The following AVL9 variants were observed in gnomAD, a reference collection of about 807,000 sequenced individuals.
AVL9 encodes the protein AVL9 cell migration associated, also known as late secretory pathway protein AVL9 homolog.
AVL9 carries 49 observed loss-of-function variants against 79.2 expected under a neutral mutation model. The observed-to-expected ratio is 0.62, with a 90% confidence interval of 0.49 to 0.79. AVL9 has a LOEUF of 0.79. Ranked by LOEUF, AVL9 falls within the 30% of genes least tolerant of loss-of-function variation. AVL9 has a pLI of 0.00. For missense variants in AVL9, 682 were observed against 776.8 expected, an observed-to-expected ratio of 0.88 and a Z score of 1.45; for synonymous variants, 299 against 280.6, an observed-to-expected ratio of 1.07 and a Z score of -0.65.
chr7:32,542,861 T>C (rs1323933467), intron 1 of AVL9, among the ~76,000 whole-genome samples: 3 of 152,160 alleles, frequency 2.0e-5, no homozygotes, highest in East Asian at 3.9e-4. Context: ...CCCCCAGATA[T>C]CAATCTGCAG....
rs1562749449 is a variant in AVL9 at position 32,503,351 on chromosome 7, GATAT to G, written c.93+7551_93+7554del. On this transcript the variant is annotated intron_variant, in intron 1 of 15. Coordinates refer to ENST00000318709, the MANE Select transcript of AVL9 (RefSeq NM_015060.3). ...ATATATATCTATATATATAGATATA[GATAT>G]AGAGAGATATATATATATACACACA... Among the ~76,000 whole-genome samples the G allele has an allele frequency of 5.9e-3, 169 of 28,814 alleles. 4 individuals are homozygous for G. Among genetic ancestry groups the G allele is most frequent in the Middle Eastern group, 0.023 (1 of 44 alleles). The allele number at this position is 28,814 out of a possible 152,430, so 18.9% of individuals were successfully genotyped here.
intron 1 of AVL9, among the ~76,000 whole-genome samples, chr7:32,511,601 G>A (rs951207034): frequency 5.3e-5 from 8 of 152,060 alleles, no homozygotes; most frequent in Admixed American, 5.2e-4. Flanking sequence ...GGTGCCTGAC[G>A]AGCAGGGCGG....
intron 1 of AVL9, among the ~76,000 whole-genome samples, chr7:32,514,109 C>A (rs1433359114): frequency 6.6e-6 from 1 of 152,182 alleles, no homozygotes. Flanking sequence ...GAAACAAATG[C>A]CTTCCTCTTA....
At chr7:32,516,949 G>C (rs1420950411) in intron 1 of AVL9, among the ~76,000 whole-genome samples, 1 of 152,088 alleles carries the variant, frequency 6.6e-6, no homozygotes, top group African/African-American at 2.4e-5. Flanking sequence ...AGGTCAACCT[G>C]CAACTATAAG....
chr7:32,505,435 A>C (rs1335286790), intron 1 of AVL9, among the ~76,000 whole-genome samples: 1 of 151,760 alleles, frequency 6.6e-6, no homozygotes. Context: ...AGGCACAAGA[A>C]TCACTTGAAA....
chr7:32,540,280 G>C (rs1207264007), intron 1 of AVL9, among the ~76,000 whole-genome samples: 1 of 152,148 alleles, frequency 6.6e-6, no homozygotes, highest in Non-Finnish European at 1.5e-5. Flanking sequence ...GTATCTATGG[G>C]ATAAATTTCT....
intron 12 of AVL9, among the ~76,000 whole-genome samples, chr7:32,574,243 A>ACACCAC (rs11281768): frequency 0.84 from 126,534 of 151,226 alleles, 52,985 homozygotes; most frequent in Middle Eastern, 0.88. Context: ...TTTTTAATCA[A>ACACCAC]CACCACCACC....
chr7:32,579,428 A>ATATATAT lies in AVL9; in HGVS notation c.1689-790_1689-784dup, dbSNP rs1562801559. ...TTATATATAATATGTTATATATATAATATATATATTATATATAATATATTA... is the reference window on the plus strand; with the variant it reads ...TTATATATAATATGTTATATATATAATATATATTATATATATTATATATAATATATTA... On this transcript the variant is annotated intron_variant, in intron 13 of 15. Coordinates refer to ENST00000318709, the MANE Select transcript of AVL9 (RefSeq NM_015060.3). Among the ~76,000 whole-genome samples the ATATATAT allele has an allele frequency of 3.7e-3, 12 of 3,286 alleles. 5 individuals carry two copies. The highest frequency in any genetic ancestry group is 0.019 in the East Asian group (2 of 104). The allele number at this position is 3,286 out of a possible 152,430, so 2.2% of individuals were successfully genotyped here.
chr7:32,573,263 C>T lies in AVL9; in HGVS notation c.1415C>T (p.Ala472Val). The change falls in exon 12 of 16, where the codon GCA becomes GTA. Residue 472 changes from alanine (A) to valine (V), a missense_variant. By Grantham distance (64) the Ala-to-Val change is moderately conservative. Transcript: ENST00000318709. Reference protein sequence around the residue: ...ELRKLLNPTTADLRFADYLVR... With the variant: ...ELRKLLNPTTVDLRFADYLVR... ...AGGAAGCTGCTTAACCCAACCACTGCAGACCTAAGGTTCGCAGACTACCTA... is the reference window on the plus strand; with the variant it reads ...AGGAAGCTGCTTAACCCAACCACTGTAGACCTAAGGTTCGCAGACTACCTA... The T allele has an allele frequency of 6.2e-7, 1 of 1,613,992 alleles. No individual in the cohort carries two copies. Among genetic ancestry groups the T allele is most frequent in the East Asian group, 2.2e-5 (1 of 44,872 alleles).
intron 1 of AVL9, among the ~76,000 whole-genome samples, chr7:32,541,963 C>T (rs1263199029): frequency 6.6e-6 from 1 of 152,134 alleles, no homozygotes; most frequent in Non-Finnish European, 1.5e-5. Context: ...GATCCACCCG[C>T]CTCAGCTCCC....
intron 11 of AVL9, among the ~76,000 whole-genome samples, chr7:32,572,217 CAG>C (rs777008764): frequency 8.3e-4 from 125 of 150,490 alleles, no homozygotes; most frequent in Non-Finnish European, 1.4e-3. Flanking sequence ...TAGTTTCTGA[CAG>C]AAAGTATGAA....
rs1186291590 is a variant in AVL9, at chr7:32,584,184, CT to C, written c.*278del. ...TGAACCTTCTAATGAATTTTGAGTT[CT>C]GATATTGTACATTGGTTTACTTTAG... On this transcript the variant is annotated 3_prime_UTR_variant, in exon 16 of 16. Transcript: ENST00000318709. 16 of 434,326 alleles carry C rather than the reference CT, an allele frequency of 3.7e-5. No homozygotes were observed. Among genetic ancestry groups the C allele is most frequent in the Non-Finnish European group, 6.8e-5 (16 of 234,198 alleles). The allele number at this position is 434,326 out of a possible 1,614,324, so 26.9% of individuals were successfully genotyped here. A position where few individuals can be genotyped will look rare whatever the true frequency, so the allele number is the denominator to read the frequency against.
rs1242614195 is a variant in AVL9 at position 32,573,345 on chromosome 7, G to A, written c.1497G>A (p.Glu499=). The change falls in exon 12 of 16, where the codon GAG becomes GAA. Residue 499 remains glutamate (E), a synonymous_variant. Coordinates refer to ENST00000318709, the MANE Select transcript of AVL9 (RefSeq NM_015060.3). ...DDVFLDGTGW[E]GGDEWIRAQF... The stretch of plus-strand genomic sequence containing the variant: ...TCTTCCTAGATGGCACGGGCTGGGA[G>A]GGAGGTGACGAATGGATCCGGGCCC... 6.2e-7 allele frequency: 1 copy of A among 1,613,858 alleles called. No individual in the cohort carries two copies. The highest frequency in any genetic ancestry group is 2.2e-5 in the East Asian group (1 of 44,880).
At chr7:32,515,658 C>G (rs1277521726) in intron 1 of AVL9, among the ~76,000 whole-genome samples, 1 of 152,168 alleles carries the variant, frequency 6.6e-6, no homozygotes, top group Non-Finnish European at 1.5e-5. Flanking sequence ...AGGTAAGTGA[C>G]TGAATTGGGG....
Position 32,588,068 on chromosome 7 carries a change from T to C in AVL9, c.*4161T>C, listed in dbSNP as rs1479425348. ...GTTCTAAAGTTTACCTTTTTACTTA[T>C]ATGAAAGATAACTATATATTTAAAT... On this transcript the variant is annotated 3_prime_UTR_variant, in exon 16 of 16. Coordinates refer to ENST00000318709, the MANE Select transcript of AVL9 (RefSeq NM_015060.3). 1 of 152,238 alleles carries C rather than the reference T, an allele frequency of 6.6e-6. No homozygotes were observed. The highest frequency in any genetic ancestry group is 1.5e-5 in the Non-Finnish European group (1 of 68,034). 9.4% of individuals were successfully genotyped at this position (152,238 alleles called of 1,614,324 possible).
At chr7:32,545,173 A>AAGC in intron 3 of AVL9, among the ~76,000 whole-genome samples, 1 of 149,900 alleles carries the variant, frequency 6.7e-6, no homozygotes, top group Non-Finnish European at 1.5e-5. Flanking sequence ...GGGCCTTGCT[A>AAGC]TTTTGCCCAG....
intron 1 of AVL9, among the ~76,000 whole-genome samples, chr7:32,520,019 C>T (rs998955019): frequency 8.5e-5 from 13 of 152,184 alleles, no homozygotes; most frequent in Admixed American, 7.9e-4. Context: ...GGGAAAACCA[C>T]CCCCACGATC....
chr7:32,545,364 C>CTTTTTTTTTTTTTTTTTT (rs10610945), intron 3 of AVL9, among the ~76,000 whole-genome samples: 7 of 73,350 alleles, frequency 9.5e-5, no homozygotes, highest in African/African-American at 3.3e-4. Context: ...TCTAAGATTT[C>CTTTTTTTTTTTTTTTTTT]TTTTTTTTTT....
chr7:32,507,399 G>T (rs1787457105), intron 1 of AVL9, among the ~76,000 whole-genome samples: 1 of 152,180 alleles, frequency 6.6e-6, no homozygotes, highest in Admixed American at 6.5e-5. Flanking sequence ...AGCGACTCTT[G>T]TGTCCTTTCC....
Sources: gnomAD v4.1 joint callset for allele counts (sites outside exome capture counted in the v4.1 genomes callset) on GRCh38, gnomAD v4.1.1 for gene constraint, MANE v1.5 for transcripts, NCBI Gene and HGNC (gene_info 2026-07-23, HGNC 2026-07-21) for gene names.